Variants in COL18A1 observed in about 807,000 individuals in gnomAD.
COL18A1 encodes collagen type XVIII alpha 1 chain.
In COL18A1, 133 loss-of-function variants were observed where a neutral mutation model predicts 168.0. The ratio of observed to expected loss-of-function variants is 0.79; its 90% CI spans 0.69 to 0.91. The LOEUF is 0.91. COL18A1 is among the 40% of genes least tolerant of loss of function. The pLI is 0.00. For synonymous variants in COL18A1, 949 were observed against 809.0 expected (o/e 1.17, Z -2.94); for missense variants, 2,126 against 1,925.4 (o/e 1.10, Z -1.95).
In COL18A1 at chr21:45,476,435, A is replaced by G; in HGVS notation, c.883A>G (p.Arg295Gly). The change falls in exon 6 of 42, where the codon AGA (arginine) becomes GGA (glycine). Residue 295 changes from arginine to glycine, a missense_variant. Coordinates refer to ENST00000651438, the MANE Select transcript of COL18A1 (RefSeq NM_001379500.1). The part of the protein sequence containing the change: ...LAGGSSTEDS[R>G]SEEVEEQTTV... ...TGGAGGCAGCAGCACGGAAGATTCC[A>G]GAAGTGAAGAAGTCGAGGAGCAGAC... The G allele has an allele frequency of 6.2e-7, 1 of 1,614,016 alleles. No individual in the cohort carries two copies. The highest frequency in any genetic ancestry group is 8.5e-7 in the Non-Finnish European group (1 of 1,179,970).
At chr21:45,495,095 C>T in intron 28 of COL18A1, 180 bp downstream of exon 28, 2 of 665,188 alleles carry the variant, frequency 3.0e-6, no homozygotes, top group South Asian at 1.8e-5. Flanking sequence ...GGCAGTACCC[C>T]ACGAGGGGCC....
At chr21:45,446,947 C>T (rs2034515809) in intron 2 of COL18A1, among the ~76,000 whole-genome samples, 1 of 152,188 alleles carries the variant, frequency 6.6e-6, no homozygotes, top group Non-Finnish European at 1.5e-5. Context: ...AAATTCAACA[C>T]CATTCATGAA....
At chr21:45,509,148 G>A (rs1169289598) in intron 38 of COL18A1, among the ~76,000 whole-genome samples, 2 of 152,070 alleles carry the variant, frequency 1.3e-5, no homozygotes, top group Non-Finnish European at 2.9e-5. Context: ...CTGAGCAGAG[G>A]TGACCCGCGA....
chr21:45,477,996 C>T (rs768272133), intron 8 of COL18A1, 31 bp downstream of exon 8: 12 of 1,195,876 alleles, frequency 1.0e-5, no homozygotes, highest in South Asian at 5.2e-5. Flanking sequence ...GAGTCCGGCC[C>T]GGTCTGGAGG....
chr21:45,442,050 C>T (rs565026136), intron 2 of COL18A1, among the ~76,000 whole-genome samples: 2 of 152,324 alleles, frequency 1.3e-5, no homozygotes, highest in East Asian at 1.9e-4. Context: ...GAGGTCACCT[C>T]GCCCTCATCC....
At chr21:45,456,276 G>T in intron 2 of COL18A1, 1 of 1,574,684 alleles carries the variant, frequency 6.4e-7, no homozygotes. Context: ...GCCGCTCCCA[G>T]CCAGCAGCTC....
intron 29 of COL18A1, 92 bp from the exon 30 acceptor site, chr21:45,496,408 C>G: frequency 1.3e-6 from 1 of 785,382 alleles, no homozygotes; most frequent in East Asian, 2.4e-5. Flanking sequence ...GGTCAGGTTT[C>G]TGATTTTTCT....
chr21:45,416,607 C>T (rs544840622), intron 2 of COL18A1, among the ~76,000 whole-genome samples: 6 of 152,114 alleles, frequency 3.9e-5, no homozygotes, highest in Non-Finnish European at 8.8e-5. Flanking sequence ...TCTCCTGGAC[C>T]GCGGTCCGTC....
At chr21:45,405,539 T>A (rs962625136) in intron 2 of COL18A1, 66 bp downstream of exon 2, 5 of 1,035,668 alleles carry the variant, frequency 4.8e-6, no homozygotes, top group African/African-American at 1.7e-5. Context: ...CTGGCTGGGG[T>A]CCCCGCCCGG....
At chr21:45,479,303 A>G (rs1474285660) in intron 9 of COL18A1, among the ~76,000 whole-genome samples, 1 of 152,070 alleles carries the variant, frequency 6.6e-6, no homozygotes, top group African/African-American at 2.4e-5. Context: ...ATGTGTGCAC[A>G]CACCACACAT....
Position 45,512,196 on chromosome 21 carries a change from A to G in COL18A1, c.3818A>G (p.Lys1273Arg), listed in dbSNP as rs762613037. The change falls in exon 42 of 42, where the codon AAG becomes AGG. Residue 1273 changes from lysine (K) to arginine (R), a missense_variant. Lys to Arg is a conservative substitution (Grantham distance 26). Transcript: ENST00000651438. ...DVLRHPTWPQ[K>R]SVWHGSDPNG... ...CCCGGCGCGTCTTACAGGCCCCAGA[A>G]GAGCGTGTGGCATGGCTCGGACCCC... is the stretch of plus-strand genomic sequence containing the variant. 15 of 1,612,180 alleles carry G rather than the reference A, an allele frequency of 9.3e-6. No individual in the cohort carries two copies. The South Asian group carries it at 1.2e-4, about 13-fold the overall frequency.
rs372731688 is a variant in COL18A1, at chr21:45,468,321, C to T, written c.186C>T (p.Pro62=). ...AGCAGGTCACCCAGACGGATGACCC[C>T]GACGTCGGGCTGGCCTACGTCTTTG... ...PPQQVTQTDD[P]DVGLAYVFGP... Residue 62 remains proline (P), a synonymous_variant, in exon 3 of 42, where the codon CCC becomes CCT. Transcript: ENST00000651438. The T allele has an allele frequency of 4.3e-5, 70 of 1,613,452 alleles. No homozygotes were observed. Among genetic ancestry groups the T allele is most frequent in the Admixed American group, 1.0e-4 (6 of 60,034 alleles).
At chr21:45,479,580 C>T (rs902794964) in intron 9 of COL18A1, among the ~76,000 whole-genome samples, 22 of 150,752 alleles carry the variant, frequency 1.5e-4, no homozygotes, top group African/African-American at 5.2e-4. Flanking sequence ...CACCACACTC[C>T]TCACACACAC....
chr21:45,457,613 G>C lies in COL18A1; in HGVS notation c.107-10629G>C, dbSNP rs923939365. ...CTGGGGGCAGGGGCAGCCCAGAAAG[G>C]ACCCCAGCAGATCCCTCCTCTGTGT... is the stretch of plus-strand genomic sequence containing the variant. On this transcript the variant is annotated intron_variant, in intron 2 of 41. Coordinates refer to ENST00000651438, the MANE Select transcript of COL18A1 (RefSeq NM_001379500.1). This position sits in a 1 kb window ranked among gnomAD's most constrained non-coding sequence, Gnocchi z 4.6. Among the ~76,000 whole-genome samples, 1 of 152,176 alleles carries C rather than the reference G, an allele frequency of 6.6e-6. No individual in the cohort carries two copies. The highest frequency in any genetic ancestry group is 1.9e-4 in the East Asian group (1 of 5,176).
chr21:45,454,897 G>A (rs563905156), intron 2 of COL18A1, among the ~76,000 whole-genome samples: 7 of 152,358 alleles, frequency 4.6e-5, no homozygotes, highest in African/African-American at 1.7e-4. Context: ...GTCAGGAAGG[G>A]CTGAGAGGGA....
intron 2 of COL18A1, among the ~76,000 whole-genome samples, chr21:45,450,985 C>A (rs1048117405): frequency 6.6e-6 from 1 of 152,246 alleles, no homozygotes; most frequent in Non-Finnish European, 1.5e-5. Flanking sequence ...GGCTCCAGGG[C>A]CCTCGTGGCT....
chr21:45,497,784 C>G, intron 32 of COL18A1, 123 bp downstream of exon 32: 1 of 1,344,098 alleles, frequency 7.4e-7, no homozygotes, highest in Non-Finnish European at 1.0e-6. Flanking sequence ...ACCACCTCAC[C>G]CTGCGGGAGG....
intron 36 of COL18A1, 57 bp downstream of exon 36, chr21:45,505,488 A>AGCCCCT (rs1426849506): frequency 2.2e-6 from 2 of 905,852 alleles, no homozygotes; most frequent in Admixed American, 4.0e-5. Context: ...CTGGTTCTGC[A>AGCCCCT]GCCCCTGCCC....
At chr21:45,506,008 C>T (rs569173102) in intron 37 of COL18A1, 42 bp downstream of exon 37, 35 of 1,612,180 alleles carry the variant, frequency 2.2e-5, no homozygotes, top group East Asian at 4.5e-5. Context: ...GTGGAAGGGC[C>T]GAAGCCGCCT....
Sources: gnomAD v4.1 joint callset for allele counts (sites outside exome capture counted in the v4.1 genomes callset) on GRCh38, gnomAD v4.1.1 for gene constraint, Gnocchi (gnomAD v3.1) non-coding constraint, MANE v1.5 for transcripts, NCBI Gene and HGNC (gene_info 2026-07-23, HGNC 2026-07-21) for gene names.